RPN2: variants seen among roughly 807,000 people sequenced by gnomAD.
The protein encoded by RPN2 is ribophorin II, also known as dolichyl-diphosphooligosaccharide--protein glycosyltransferase subunit 2.
A neutral mutation model predicts 71.4 loss-of-function variants in RPN2; 29 were observed. The observed-to-expected ratio is 0.41, with a 90% CI of 0.30 to 0.55. The LOEUF is 0.55. Among genes scored for constraint, RPN2 ranks in the 20% least tolerant of loss-of-function variants. RPN2 has a pLI of 0.35. For synonymous variants in RPN2, 308 were observed against 305.0 expected (o/e 1.01, Z -0.10); for missense variants, 726 against 774.1 (o/e 0.94, Z 0.74).
intron 2 of RPN2, among the ~76,000 whole-genome samples, chr20:37,189,893 C>T (rs545336150): frequency 6.6e-6 from 1 of 152,358 alleles, no homozygotes; most frequent in African/African-American, 2.4e-5. Flanking sequence ...GGCACAGACA[C>T]TGTATTCGCA....
intron 7 of RPN2, 117 bp from the exon 8 acceptor site, chr20:37,209,930 G>T: frequency 6.5e-7 from 1 of 1,531,640 alleles, no homozygotes; most frequent in African/African-American, 1.4e-5. Flanking sequence ...AAGATTTCCC[G>T]AAGCAGGGGA....
At chr20:37,186,108 C>A (rs1054536031) in intron 2 of RPN2, among the ~76,000 whole-genome samples, 1 of 152,210 alleles carries the variant, frequency 6.6e-6, no homozygotes, top group Non-Finnish European at 1.5e-5. Context: ...AGTCCTTACT[C>A]TTCAATTCTC....
chr20:37,189,447 A>G (rs1377373679), intron 2 of RPN2, among the ~76,000 whole-genome samples: 3 of 152,094 alleles, frequency 2.0e-5, no homozygotes, highest in Non-Finnish European at 2.9e-5. Flanking sequence ...CAGAAAGCCT[A>G]AAGTATTTAC....
At chr20:37,197,362 G>C (rs1423231900) in intron 2 of RPN2, among the ~76,000 whole-genome samples, 9 of 152,220 alleles carry the variant, frequency 5.9e-5, no homozygotes, top group African/African-American at 2.2e-4. Context: ...CCGCTTAGGA[G>C]ATGACTGACT....
At chr20:37,210,245 T>TAA in intron 8 of RPN2, 80 bp downstream of exon 8, 1 of 1,601,790 alleles carries the variant, frequency 6.2e-7, no homozygotes. Flanking sequence ...AACAGATTAA[T>TAA]ACATTCCAGT....
At chr20:37,199,287 C>A in intron 4 of RPN2, 62 bp downstream of exon 4, 1 of 1,583,852 alleles carries the variant, frequency 6.3e-7, no homozygotes, top group Non-Finnish European at 8.6e-7. Context: ...CCGAAGAGGG[C>A]TCATTCATTG....
intron 4 of RPN2, among the ~76,000 whole-genome samples, chr20:37,202,353 A>C (rs1358574320): frequency 1.3e-5 from 2 of 152,136 alleles, no homozygotes; most frequent in Non-Finnish European, 2.9e-5. Flanking sequence ...CTGTTTTCCA[A>C]CTTGTCATCT....
At chr20:37,217,286 A>ATTG (rs58394531) in intron 9 of RPN2, among the ~76,000 whole-genome samples, 109,136 of 149,440 alleles carry the variant, frequency 0.73, 40,252 homozygotes, top group Middle Eastern at 0.86. Flanking sequence ...TATTATTATT[A>ATTG]TTATTATTAT....
chr20:37,222,771 C>A (rs1275500992), intron 9 of RPN2, among the ~76,000 whole-genome samples: 1 of 152,216 alleles, frequency 6.6e-6, no homozygotes, highest in Admixed American at 6.5e-5. Context: ...ATAATTTGCA[C>A]ATTCAAACTT....
chr20:37,223,213 A>C (rs752185699), intron 9 of RPN2, among the ~76,000 whole-genome samples: 24 of 152,226 alleles, frequency 1.6e-4, no homozygotes, highest in Non-Finnish European at 2.8e-4. Context: ...CCATGGGGGC[A>C]GGGAAGTAGA....
intron 5 of RPN2, 77 bp from the exon 6 acceptor site, chr20:37,204,690 G>A: frequency 6.7e-7 from 1 of 1,488,190 alleles, no homozygotes; most frequent in Non-Finnish European, 9.4e-7. Flanking sequence ...GCTGTCTGCA[G>A]TGGGGTTGAC....
chr20:37,199,462 C>T (rs868810646), intron 4 of RPN2, among the ~76,000 whole-genome samples: 15 of 152,342 alleles, frequency 9.8e-5, no homozygotes, highest in Middle Eastern at 3.4e-3. Context: ...AGAAGGCAAG[C>T]GCTGAGCCAG....
intron 8 of RPN2, among the ~76,000 whole-genome samples, chr20:37,213,320 C>A (rs974139696): frequency 6.6e-6 from 1 of 152,154 alleles, no homozygotes; most frequent in South Asian, 2.1e-4. Flanking sequence ...CTCCACATGC[C>A]AATCTGTGAT....
At chr20:37,207,729 T>C (rs1008163091) in intron 7 of RPN2, among the ~76,000 whole-genome samples, 1 of 152,154 alleles carries the variant, frequency 6.6e-6, no homozygotes, top group Non-Finnish European at 1.5e-5. Context: ...TCACCCAGGC[T>C]GGAAAGCAGT....
chr20:37,179,394 G>A (rs1202776289), intron 1 of RPN2, 25 bp downstream of exon 1: 59 of 1,484,380 alleles, frequency 4.0e-5, no homozygotes, highest in Non-Finnish European at 5.2e-5. Context: ...GTGGCTTTGG[G>A]GAGAGGGCTG....
chr20:37,206,991 G>T (rs940206089), intron 6 of RPN2, among the ~76,000 whole-genome samples: 2 of 152,050 alleles, frequency 1.3e-5, no homozygotes, highest in African/African-American at 4.8e-5. Context: ...GATTACAGGC[G>T]TGAGCCACTG....
At chr20:37,190,528 A>C (rs1010086607) in intron 2 of RPN2, among the ~76,000 whole-genome samples, 1 of 152,206 alleles carries the variant, frequency 6.6e-6, no homozygotes, top group Admixed American at 6.5e-5. Flanking sequence ...TAATGTGTGC[A>C]GGGTAGTTAG....
chr20:37,214,402 T>G (rs187822080), intron 9 of RPN2, among the ~76,000 whole-genome samples: 2 of 152,378 alleles, frequency 1.3e-5, no homozygotes, highest in Admixed American at 6.5e-5. Context: ...ATAGAAAGCC[T>G]TATTTACCTG....
intron 4 of RPN2, among the ~76,000 whole-genome samples, chr20:37,203,000 C>T (rs1405482126): frequency 6.6e-6 from 1 of 152,008 alleles, no homozygotes; most frequent in Non-Finnish European, 1.5e-5. Context: ...TCACAGCTCA[C>T]TGAAGCCTCA....
Sources: gnomAD v4.1 joint callset for allele counts (sites outside exome capture counted in the v4.1 genomes callset) on GRCh38, gnomAD v4.1.1 for gene constraint, MANE v1.5 for transcripts, NCBI Gene and HGNC (gene_info 2026-07-23, HGNC 2026-07-21) for gene names.